The following PPP1R9B variants were observed in gnomAD, a reference collection of about 807,000 sequenced individuals.
The protein encoded by PPP1R9B is neurabin-2.
Under a neutral mutation model 75.8 loss-of-function variants are expected in PPP1R9B, and 17 were observed. That is an observed-to-expected ratio of 0.22 (90% confidence interval 0.15 to 0.34). The LOEUF (loss-of-function observed/expected upper bound fraction) is 0.34, where lower values mean the gene tolerates loss of function less well. Ranked by LOEUF, PPP1R9B falls within the 10% of genes least tolerant of loss-of-function variation. The probability of loss-of-function intolerance (pLI) is 1.00; values close to 1 mark genes in which losing one functional copy is unlikely to be tolerated. For synonymous variants in PPP1R9B, 509 were observed against 535.4 expected (o/e 0.95, Z 0.68); for missense variants, 875 against 1,196.0 (o/e 0.73, Z 3.96).
chr17:50,136,806 A>G (rs1912244647), intron 7 of PPP1R9B, among the ~76,000 whole-genome samples: 1 of 151,906 alleles, frequency 6.6e-6, no homozygotes, highest in African/African-American at 2.4e-5. Flanking sequence ...ACCTCTGTGC[A>G]CTCTGAGCTG....
intron 3 of PPP1R9B, among the ~76,000 whole-genome samples, chr17:50,141,735 A>C (rs1912386788): frequency 1.3e-5 from 2 of 152,042 alleles, no homozygotes. Flanking sequence ...CTTTGTCCTC[A>C]CAGGGACCTG....
intron 7 of PPP1R9B, among the ~76,000 whole-genome samples, chr17:50,138,846 A>G (rs989880069): frequency 6.6e-6 from 1 of 152,206 alleles, no homozygotes; most frequent in African/African-American, 2.4e-5. Flanking sequence ...GCTGGTCTCT[A>G]ACTCCTGGCT....
In PPP1R9B at chr17:50,139,859, T is replaced by C. The variant is rs1912322632; in HGVS notation, c.1866+234A>G. On this transcript the variant is annotated intron_variant, in intron 5 of 9. Coordinates refer to ENST00000612501, the MANE Select transcript of PPP1R9B (RefSeq NM_032595.5). This position sits in a 1 kb window ranked among gnomAD's most constrained non-coding sequence, Gnocchi z 5.0. ...TTCCCCTTCTGGATCTATCTCCCTT[T>C]CAGATTAGGTCCCCCAAGATTAGGG... Among the ~76,000 whole-genome samples the C allele has an allele frequency of 6.6e-6, 1 of 152,154 alleles. No homozygotes were observed. The highest frequency in any genetic ancestry group is 1.5e-5 in the Non-Finnish European group (1 of 68,016).
intron 1 of PPP1R9B, among the ~76,000 whole-genome samples, chr17:50,145,473 G>A (rs1028694039): frequency 6.6e-5 from 10 of 152,156 alleles, no homozygotes; most frequent in Admixed American, 4.6e-4. Context: ...TGGCAGACCC[G>A]CACTGCTATT....
Position 50,142,683 on chromosome 17 carries a change from T to TACAGCCC in PPP1R9B, c.1625+908_1625+914dup, listed in dbSNP as rs1266851785. Among the ~76,000 whole-genome samples the TACAGCCC allele has an allele frequency of 6.6e-6, 1 of 152,050 alleles. No individual in the cohort carries two copies. ...CTTACAGCCACCCTGGGGGATGCCCTACAGCCCTTCCTACTGCCACTCCCC... is the reference window on the plus strand; with the variant it reads ...CTTACAGCCACCCTGGGGGATGCCCTACAGCCCACAGCCCTTCCTACTGCCACTCCCC... On this transcript the variant is annotated intron_variant, in intron 3 of 9. Transcript: ENST00000612501. The surrounding 1 kb of genome is among the most constrained non-coding windows in gnomAD (Gnocchi z 4.1).
chr17:50,136,051 G>A lies in PPP1R9B; in HGVS notation c.2220C>T (p.His740=), dbSNP rs1192349655. 1 of 1,612,298 alleles carries A rather than the reference G, an allele frequency of 6.2e-7. No homozygotes were observed. The highest frequency in any genetic ancestry group is 1.1e-5 in the South Asian group (1 of 90,870). ...AQSLCQAVDE[H]LRETQAQYQA... is the part of the protein sequence containing the mutation. Reference sequence around the variant, plus strand: ...GGTACTGCGCCTGAGTCTCCCGCAGGTGCTCGTCCACAGCCTGGCACAGGC... The same window carrying A: ...GGTACTGCGCCTGAGTCTCCCGCAGATGCTCGTCCACAGCCTGGCACAGGC... Residue 740 remains histidine, a synonymous_variant, in exon 8 of 10, where the codon CAC becomes CAT. Coordinates refer to ENST00000612501, the MANE Select transcript of PPP1R9B (RefSeq NM_032595.5).
intron 1 of PPP1R9B, among the ~76,000 whole-genome samples, chr17:50,146,540 C>T (rs556342994): frequency 6.7e-4 from 102 of 152,302 alleles, no homozygotes; most frequent in Non-Finnish European, 1.3e-3. Context: ...TGCTCCGTGT[C>T]GTCCCCACCC....
intron 1 of PPP1R9B, among the ~76,000 whole-genome samples, chr17:50,148,862 G>C (rs866735482): frequency 6.6e-6 from 1 of 152,212 alleles, no homozygotes. Flanking sequence ...CAGGACCCGC[G>C]TGGGGCAGGG....
rs766367603 is a variant in PPP1R9B, at chr17:50,141,366, C to T, written c.1633G>A (p.Val545Met). The change falls in exon 4 of 10, where the codon GTG becomes ATG. Residue 545 changes from valine (V) to methionine (M), a missense_variant. Val to Met is a conservative substitution (Grantham distance 21). Coordinates refer to ENST00000612501, the MANE Select transcript of PPP1R9B (RefSeq NM_032595.5). ...TCCACCTCCACCAGGAGATCATTCA[C>T]CTGGATCCTAGCGGAGTGACATTGG... ...GAAHRDGRIQVNDLLVEVDGT... is the reference protein window; with the variant it reads ...GAAHRDGRIQMNDLLVEVDGT... The T allele has an allele frequency of 3.8e-6, 6 of 1,581,108 alleles. No individual in the cohort carries two copies. Among genetic ancestry groups the T allele is most frequent in the Non-Finnish European group, 3.4e-6 (4 of 1,164,044 alleles).
At chr17:50,135,520 C>G in intron 9 of PPP1R9B, 33 bp downstream of exon 9, 1 of 1,595,832 alleles carries the variant, frequency 6.3e-7, no homozygotes, top group Non-Finnish European at 8.6e-7. Flanking sequence ...GCTCCCTCCA[C>G]TGGGCCCTGC....
At position 50,149,495 on chromosome 17, in the gene PPP1R9B, C is replaced by T. The variant is rs1219542263; in HGVS notation, c.1019G>A (p.Ser340Asn). The T allele has an allele frequency of 6.3e-7, 1 of 1,597,774 alleles. No individual in the cohort carries two copies. Among genetic ancestry groups the T allele is most frequent in the South Asian group, 1.1e-5 (1 of 89,122 alleles). The change falls in exon 1 of 10, where the codon AGC becomes AAC. Residue 340 changes from serine (S) to asparagine (N), a missense_variant. Physicochemically the swap from Ser to Asn is conservative, Grantham distance 46 (BLOSUM62 1). Around this residue, in one of 4 missense-constraint regions of PPP1R9B, gnomAD observed 449 missense variants for 475.0 expected, o/e 0.95. Transcript: ENST00000612501. The surrounding 1 kb of genome is among the most constrained non-coding windows in gnomAD (Gnocchi z 7.2). ...ENGSTVATAA[S>N]PAPEEPKAQA... The stretch of plus-strand genomic sequence containing the variant: ...GGCCTTTGGCTCCTCGGGCGCGGGG[C>T]TGGCTGCAGTTGCCACGGTGCTGCC...
At position 50,139,618 on chromosome 17, in the gene PPP1R9B, C is replaced by T. The variant is rs751041230; in HGVS notation, c.1867-37G>A. 3.3e-6 allele frequency: 5 copies of T among 1,518,844 alleles called. No individual in the cohort carries two copies. The highest frequency in any genetic ancestry group is 4.4e-6 in the Non-Finnish European group (5 of 1,133,926). The allele number at this position is 1,518,844 out of a possible 1,614,324, so 94.1% of individuals were successfully genotyped here. A position where few individuals can be genotyped will look rare whatever the true frequency, so the allele number is the denominator to read the frequency against. On this transcript the variant is annotated intron_variant, in intron 5 of 9. Transcript: ENST00000612501. The surrounding 1 kb of genome is among the most constrained non-coding windows in gnomAD (Gnocchi z 5.0). ...GACCGGAGACTGTGGGCCCACCCCA[C>T]CCAGCTGCCCTCAGCCCTGATGACC... is the stretch of plus-strand genomic sequence containing the variant.
At chr17:50,140,497 G>T in intron 4 of PPP1R9B, 1 of 523,314 alleles carries the variant, frequency 1.9e-6, no homozygotes, top group South Asian at 2.3e-5. Context: ...TGTGCTGCAG[G>T]GGACATGCAC....
Position 50,149,655 on chromosome 17 carries a change from G to A in PPP1R9B, c.859C>T (p.Arg287Trp), listed in dbSNP as rs1163139382. Reference sequence around the variant, plus strand: ...ACCTCCCGGGGCTTGGGGGGCGGCCGGGCAGGGGCCACTCGGTGCTGCGGG... The same window carrying A: ...ACCTCCCGGGGCTTGGGGGGCGGCCAGGCAGGGGCCACTCGGTGCTGCGGG... ...QPPQHRVAPA[R>W]PPPKPREVRK... The change falls in exon 1 of 10, where the codon CGG (arginine) becomes TGG (tryptophan). Residue 287 changes from arginine to tryptophan, a missense_variant. This residue lies in a region of PPP1R9B where 449 missense variants were observed against 475.0 expected (regional missense o/e 0.95). Coordinates refer to ENST00000612501, the MANE Select transcript of PPP1R9B (RefSeq NM_032595.5). This position sits in a 1 kb window ranked among gnomAD's most constrained non-coding sequence, Gnocchi z 7.2. 5 of 1,510,028 alleles carry A rather than the reference G, an allele frequency of 3.3e-6. No homozygotes were observed. The highest frequency in any genetic ancestry group is 2.5e-5 in the East Asian group (1 of 39,754). The allele number at this position is 1,510,028 out of a possible 1,614,324, so 93.5% of individuals were successfully genotyped here.
At chr17:50,141,944 CAG>C (rs1368387988) in intron 3 of PPP1R9B, among the ~76,000 whole-genome samples, 9 of 152,208 alleles carry the variant, frequency 5.9e-5, no homozygotes, top group Non-Finnish European at 1.0e-4. Flanking sequence ...GTGACATTCT[CAG>C]AGTTCATCTC....
In PPP1R9B at chr17:50,149,378, A is replaced by G. The variant is rs778998120; in HGVS notation, c.1136T>C (p.Val379Ala). The G allele has an allele frequency of 1.2e-6, 2 of 1,609,910 alleles. No homozygotes were observed. The highest frequency in any genetic ancestry group is 2.2e-5 in the South Asian group (2 of 90,858). Reference sequence around the variant, plus strand: ...GAAGTCCTCCTTCTTGGATTCATCTACCTCCTCAGGGGCCACGTCCGGGGC... The same window carrying G: ...GAAGTCCTCCTTCTTGGATTCATCTGCCTCCTCAGGGGCCACGTCCGGGGC... ...GRAPDVAPEE[V>A]DESKKEDFSE... The change falls in exon 1 of 10, where the codon GTA (valine) becomes GCA (alanine). Residue 379 changes from valine (V) to alanine (A), a missense_variant. Coordinates refer to ENST00000612501, the MANE Select transcript of PPP1R9B (RefSeq NM_032595.5). This position sits in a 1 kb window ranked among gnomAD's most constrained non-coding sequence, Gnocchi z 7.2.
rs964433502 is a variant in PPP1R9B at position 50,149,188 on chromosome 17, G to A, written c.1326C>T (p.Asp442=). Residue 442 remains aspartate (D), a synonymous_variant, in exon 1 of 10, where the codon GAC becomes GAT. Transcript: ENST00000612501. This position sits in a 1 kb window ranked among gnomAD's most constrained non-coding sequence, Gnocchi z 7.2. ...AATGGATCTTCCGGCTCGGGGCTGG[G>A]TCCTCCTCCTCCGACAGCCCCGGGA... The part of the protein sequence containing the change: ...VEIPGLSEEE[D]PAPSRKIHFS... 7 of 1,585,632 alleles carry A rather than the reference G, an allele frequency of 4.4e-6. No individual in the cohort carries two copies. Among genetic ancestry groups the A allele is most frequent in the Non-Finnish European group, 6.0e-6 (7 of 1,166,240 alleles).
chr17:50,139,347 C>G lies in PPP1R9B; in HGVS notation c.2020-31G>C, dbSNP rs1427493337. The G allele has an allele frequency of 1.9e-6, 3 of 1,613,992 alleles. No homozygotes were observed. In the Admixed American group the frequency reaches 5.0e-5, roughly 27 times the overall value. On this transcript the variant is annotated intron_variant, in intron 6 of 9. Transcript: ENST00000612501. This position sits in a 1 kb window ranked among gnomAD's most constrained non-coding sequence, Gnocchi z 5.0. ...GGGCAGAGGGGCAGGCACTCAGCTC[C>G]AGCAGGGTGGGGCAGGCAGTGCCAA...
In PPP1R9B at chr17:50,149,457, C is replaced by T. The variant is rs761649915; in HGVS notation, c.1057G>A (p.Glu353Lys). The T allele has an allele frequency of 2.5e-6, 4 of 1,606,846 alleles. No individual in the cohort carries two copies. Reference protein sequence around the residue: ...PEEPKAQAAPEKEAAAVAPPE... With the variant: ...PEEPKAQAAPKKEAAAVAPPE... ...GGCGCTACCGCCGCCGCCTCCTTCT[C>T]CGGGGCCGCTTGGGCCTTTGGCTCC... The change falls in exon 1 of 10, where the codon GAG (glutamate) becomes AAG (lysine). Residue 353 changes from glutamate to lysine, a missense_variant. Glu to Lys is a moderately conservative substitution (Grantham distance 56). This residue lies in a region of PPP1R9B where 449 missense variants were observed against 475.0 expected (regional missense o/e 0.95). Coordinates refer to ENST00000612501, the MANE Select transcript of PPP1R9B (RefSeq NM_032595.5). The surrounding 1 kb of genome is among the most constrained non-coding windows in gnomAD (Gnocchi z 7.2).
Sources: allele counts gnomAD v4.1 joint callset (sites outside exome capture counted in the v4.1 genomes callset), GRCh38; gene constraint gnomAD v4.1.1; regional missense constraint gnomAD v4.1.1; non-coding constraint Gnocchi (gnomAD v3.1); transcripts MANE v1.5; gene names NCBI Gene and HGNC (gene_info 2026-07-23, HGNC 2026-07-21).